PDE1A: variants seen among roughly 807,000 people sequenced by gnomAD.
The protein encoded by PDE1A is dual specificity calcium/calmodulin-dependent 3',5'-cyclic nucleotide phosphodiesterase 1A.
PDE1A carries 35 observed loss-of-function variants against 61.7 expected under a neutral mutation model. The ratio of observed to expected loss-of-function variants is 0.57; its 90% CI spans 0.43 to 0.75. The LOEUF is 0.75. Ranked by LOEUF, PDE1A falls within the 30% of genes least tolerant of loss-of-function variation. The pLI is 0.00. For missense variants in PDE1A, 597 were observed against 630.6 expected, an observed-to-expected ratio of 0.95 and a Z score of 0.57; for synonymous variants, 232 against 213.2, an observed-to-expected ratio of 1.09 and a Z score of -0.77.
At chr2:182,213,189 G>C (rs1226279179) in intron 7 of PDE1A, among the ~76,000 whole-genome samples, 5 of 150,074 alleles carry the variant, frequency 3.3e-5, no homozygotes, top group Non-Finnish European at 5.9e-5. Flanking sequence ...TATTCCAACA[G>C]ACCTGCAGCT....
Position 182,446,863 on chromosome 2 carries a change from T to C in PDE1A, c.101+75413A>G, listed in dbSNP as rs544027122. The stretch of plus-strand genomic sequence containing the variant: ...AGAAAATTTTTTAAAATAGTTAAGG[T>C]TAAATTTCCTCATCTTCAATGAAGG... On this transcript the variant is annotated intron_variant, in intron 2 of 14. Transcript: ENST00000410103. 7.9e-5 allele frequency among the ~76,000 whole-genome samples: 12 copies of C among 152,056 alleles called. No individual in the cohort carries two copies. The East Asian group carries it at 2.3e-3, about 30-fold the overall frequency.
intron 1 of PDE1A, among the ~76,000 whole-genome samples, chr2:182,347,489 C>T (rs1359225550): frequency 6.6e-6 from 1 of 151,868 alleles, no homozygotes; most frequent in African/African-American, 2.4e-5. Context: ...ATTATGTTTC[C>T]CTCCCTCGTA....
At chr2:182,283,143 C>T (rs1574245680) in intron 1 of PDE1A, among the ~76,000 whole-genome samples, 1 of 152,070 alleles carries the variant, frequency 6.6e-6, no homozygotes, top group Non-Finnish European at 1.5e-5. Flanking sequence ...TCAATGTAAT[C>T]GTTCCCAAGG....
At chr2:182,594,413 A>T in the PDE1A span, among the ~76,000 whole-genome samples, 9 of 152,042 alleles carry the variant, frequency 5.9e-5, no homozygotes, top group Admixed American at 5.9e-4. Context: ...CCTCACAGCA[A>T]CTCCTACACA....
the PDE1A span, among the ~76,000 whole-genome samples, chr2:182,558,466 CT>C: frequency 6.6e-6 from 1 of 152,056 alleles, no homozygotes; most frequent in Non-Finnish European, 1.5e-5. Flanking sequence ...AAAATTAAAG[CT>C]TTTACAATCA....
the PDE1A span, among the ~76,000 whole-genome samples, chr2:182,597,728 C>G: frequency 6.6e-6 from 1 of 152,202 alleles, no homozygotes; most frequent in African/African-American, 2.4e-5. Flanking sequence ...ATAAACTTTT[C>G]AGGCATTGTC....
the PDE1A span, among the ~76,000 whole-genome samples, chr2:182,638,113 A>G: frequency 1.3e-5 from 2 of 152,200 alleles, no homozygotes; most frequent in Non-Finnish European, 2.9e-5. Flanking sequence ...TATTGTACAA[A>G]TATTAATTTC....
intron 2 of PDE1A, among the ~76,000 whole-genome samples, chr2:182,506,226 T>A (rs1481989672): frequency 1.3e-5 from 2 of 152,206 alleles, no homozygotes; most frequent in African/African-American, 4.8e-5. Context: ...AAGAAAGCAA[T>A]CTGATCGAAT....
At chr2:182,320,175 T>C (rs2125982826) in intron 1 of PDE1A, among the ~76,000 whole-genome samples, 1 of 152,330 alleles carries the variant, frequency 6.6e-6, no homozygotes, top group African/African-American at 2.4e-5. Context: ...TTGACCCTAA[T>C]ATTAGTGACA....
intron 1 of PDE1A, among the ~76,000 whole-genome samples, chr2:182,401,562 A>G (rs1269474459): frequency 6.6e-6 from 1 of 152,218 alleles, no homozygotes; most frequent in Non-Finnish European, 1.5e-5. Flanking sequence ...CACAGCCAAT[A>G]TCATACAGAA....
At chr2:182,379,488 A>T (rs1700603933) in intron 1 of PDE1A, among the ~76,000 whole-genome samples, 1 of 152,210 alleles carries the variant, frequency 6.6e-6, no homozygotes, top group Admixed American at 6.5e-5. Context: ...CCAGCTGTTC[A>T]AACGTCTGAT....
At chr2:182,144,823 A>C (rs765755347), downstream of PDE1A, among the ~76,000 whole-genome samples, 1 of 152,228 alleles carries the variant, frequency 6.6e-6, no homozygotes, top group Non-Finnish European at 1.5e-5. Flanking sequence ...AATAGGAAAA[A>C]TTGGAAGAGT....
chr2:182,528,125 G>C (rs187052872), upstream of PDE1A, among the ~76,000 whole-genome samples: 1 of 152,234 alleles, frequency 6.6e-6, no homozygotes, highest in East Asian at 1.9e-4. Flanking sequence ...GCAGAGGTTG[G>C]AACAATTTGG....
At position 182,455,749 on chromosome 2, in the gene PDE1A, G is replaced by T. The variant is rs527573212; in HGVS notation, c.101+66527C>A. ...AGGAAGGGGAACATCACACTCTGGGGACTGTTGTGGGTGGGGGAATGGGGG... is the reference window on the plus strand; with the variant it reads ...AGGAAGGGGAACATCACACTCTGGGTACTGTTGTGGGTGGGGGAATGGGGG... On this transcript the variant is annotated intron_variant, in intron 2 of 14. Transcript: ENST00000410103. 1.2e-4 allele frequency among the ~76,000 whole-genome samples: 19 copies of T among 152,080 alleles called. No homozygotes were observed. The East Asian group carries it at 3.5e-3, about 28-fold the overall frequency.
rs1684596559 is a variant in PDE1A, at chr2:182,438,672, AT to A, written c.101+83603del. On this transcript the variant is annotated intron_variant, in intron 2 of 14. Transcript: ENST00000410103. Reference sequence around the variant, plus strand: ...ATGCAGAATCATGAAATGCCATAGTATTCAGGAAGGTATCCTGGCACGACTT... The same window carrying A: ...ATGCAGAATCATGAAATGCCATAGTATCAGGAAGGTATCCTGGCACGACTT... Among the ~76,000 whole-genome samples, 5 of 151,938 alleles carry A rather than the reference AT, an allele frequency of 3.3e-5. No individual in the cohort carries two copies. The Admixed American group carries it at 3.3e-4, about 10-fold the overall frequency.
At chr2:182,378,111 G>T (rs142303693) in intron 1 of PDE1A, among the ~76,000 whole-genome samples, 2,386 of 152,300 alleles carry the variant, frequency 0.016, 36 homozygotes, top group Middle Eastern at 0.11. Context: ...CTCCCAAAGT[G>T]CTGGGATTAC....
At chr2:182,385,322 A>T (rs1023665513) in intron 1 of PDE1A, among the ~76,000 whole-genome samples, 1 of 152,322 alleles carries the variant, frequency 6.6e-6, no homozygotes, top group South Asian at 2.1e-4. Flanking sequence ...GAAGGTTGAC[A>T]GTCAAAACTA....
At chr2:182,361,603 A>AT (rs1699516128) in intron 1 of PDE1A, among the ~76,000 whole-genome samples, 1 of 151,944 alleles carries the variant, frequency 6.6e-6, no homozygotes, top group African/African-American at 2.4e-5. Context: ...CTCTGTGTAT[A>AT]TTTTTTTAGT....
At chr2:182,707,694 T>G in the PDE1A span, among the ~76,000 whole-genome samples, 3 of 152,152 alleles carry the variant, frequency 2.0e-5, no homozygotes, top group African/African-American at 7.2e-5. Flanking sequence ...TCACCATGGA[T>G]TCTATCAAAT....
Sources: gnomAD v4.1 joint callset for allele counts (sites outside exome capture counted in the v4.1 genomes callset) on GRCh38, gnomAD v4.1.1 for gene constraint, MANE v1.5 for transcripts, NCBI Gene and HGNC (gene_info 2026-07-23, HGNC 2026-07-21) for gene names.